Variants in AOPEP observed in about 807,000 individuals in gnomAD.
The protein encoded by AOPEP is aminopeptidase O.
AOPEP carries 77 observed loss-of-function variants against 98.1 expected under a neutral mutation model. That is an observed-to-expected ratio of 0.78 (90% CI 0.65 to 0.95). AOPEP has a LOEUF of 0.95. Among genes scored for constraint, AOPEP ranks in the 40% least tolerant of loss-of-function variants. The pLI is 0.00. For synonymous variants in AOPEP, 346 were observed against 365.3 expected, an observed-to-expected ratio of 0.95 and a Z score of 0.60; for missense variants, 1,024 against 1,024.7, an observed-to-expected ratio of 1.00 and a Z score of 0.01.
intron 2 of AOPEP, among the ~76,000 whole-genome samples, chr9:94,765,438 A>AT (rs1839341270): frequency 4.5e-5 from 6 of 134,148 alleles, no homozygotes; most frequent in East Asian, 2.2e-4. Flanking sequence ...CTTCTCTACA[A>AT]AAATAATAAT....
intron 9 of AOPEP, among the ~76,000 whole-genome samples, chr9:94,961,036 T>C (rs1023715047): frequency 5.4e-5 from 8 of 149,306 alleles, no homozygotes; most frequent in African/African-American, 2.0e-4. Flanking sequence ...AAAAGAATGC[T>C]TGCCTGTTTT....
intron 5 of AOPEP, among the ~76,000 whole-genome samples, chr9:94,872,360 G>T (rs1259361570): frequency 6.6e-6 from 1 of 152,158 alleles, no homozygotes; most frequent in Admixed American, 6.5e-5. Flanking sequence ...GCCAAGAAAG[G>T]TTGCCTTACA....
chr9:94,811,784 C>T (rs551195871), intron 5 of AOPEP, among the ~76,000 whole-genome samples: 23 of 152,230 alleles, frequency 1.5e-4, no homozygotes, highest in Non-Finnish European at 2.4e-4. Context: ...TAAGTGTTGT[C>T]TGGGGAGAAC....
chr9:94,928,372 A>T (rs1729920204), intron 6 of AOPEP, 53 bp from the exon 7 acceptor site: 10 of 1,331,184 alleles, frequency 7.5e-6, no homozygotes, highest in Non-Finnish European at 1.0e-5. Context: ...CACCAGGACC[A>T]CAACAGTGAC....
At chr9:95,106,745 A>G in the AOPEP span, among the ~76,000 whole-genome samples, 3 of 152,170 alleles carry the variant, frequency 2.0e-5, no homozygotes, top group East Asian at 5.8e-4. Context: ...GAGGAGGAGG[A>G]GAGCAGCACA....
At chr9:95,026,210 T>A (rs796137513) in intron 13 of AOPEP, among the ~76,000 whole-genome samples, 1 of 152,316 alleles carries the variant, frequency 6.6e-6, no homozygotes, top group African/African-American at 2.4e-5. Context: ...TTTAACAACT[T>A]TAAGGCGTAA....
At chr9:95,032,337 C>T (rs546219743) in intron 13 of AOPEP, among the ~76,000 whole-genome samples, 5 of 152,270 alleles carry the variant, frequency 3.3e-5, no homozygotes, top group Admixed American at 2.0e-4. Flanking sequence ...TGGCAGACCT[C>T]GCATGGCCCA....
Position 94,728,497 on chromosome 9 carries a change from G to A in AOPEP, c.-136+1746G>A, listed in dbSNP as rs78185787. ...CCGAGTAGATTTTTGACCTCACTGT[G>A]CCCGGTCGAGGACAGTTCTTCTAAG... is the stretch of plus-strand genomic sequence containing the variant. On this transcript the variant is annotated intron_variant, in intron 1 of 16. Transcript: ENST00000375315. Among the ~76,000 whole-genome samples, 3 of 152,174 alleles carry A rather than the reference G, an allele frequency of 2.0e-5. No individual in the cohort carries two copies. The East Asian group carries it at 5.8e-4, about 29-fold the overall frequency.
At chr9:94,947,015 C>A (rs1291474211) in intron 7 of AOPEP, among the ~76,000 whole-genome samples, 20 of 149,796 alleles carry the variant, frequency 1.3e-4, no homozygotes, top group Non-Finnish European at 2.2e-4. Context: ...CTCGCTCTGT[C>A]GCCCAGGCTG....
chr9:95,082,028 G>C (rs1353379416), intron 15 of AOPEP, among the ~76,000 whole-genome samples: 1 of 152,048 alleles, frequency 6.6e-6, no homozygotes, highest in East Asian at 1.9e-4. Flanking sequence ...GCGGGCTACG[G>C]TGCAGGGCTG....
intron 13 of AOPEP, among the ~76,000 whole-genome samples, chr9:95,027,823 T>C (rs545235419): frequency 4.6e-5 from 7 of 152,194 alleles, no homozygotes; most frequent in Non-Finnish European, 1.0e-4. Flanking sequence ...TTTCTCATTA[T>C]TTTTGCTTAT....
At chr9:95,147,408 C>T in the AOPEP span, among the ~76,000 whole-genome samples, 4 of 152,056 alleles carry the variant, frequency 2.6e-5, no homozygotes, top group East Asian at 1.9e-4. Flanking sequence ...CCCAGCTACT[C>T]GGGAGGCTGA....
chr9:95,027,850 A>G (rs2063965631), intron 13 of AOPEP, among the ~76,000 whole-genome samples: 1 of 152,186 alleles, frequency 6.6e-6, no homozygotes, highest in Admixed American at 6.5e-5. Flanking sequence ...ATTTGCAGGT[A>G]TTTTTAATTT....
chr9:94,727,574 AC>A (rs1248106124), intron 1 of AOPEP, among the ~76,000 whole-genome samples: 1 of 152,240 alleles, frequency 6.6e-6, no homozygotes, highest in Non-Finnish European at 1.5e-5. Context: ...ATGGGTTATT[AC>A]AAAACCAGAC....
At chr9:95,121,837 G>A in the AOPEP span, among the ~76,000 whole-genome samples, 1 of 151,916 alleles carries the variant, frequency 6.6e-6, no homozygotes, top group Non-Finnish European at 1.5e-5. Context: ...AAAGAGCAAA[G>A]GGATAATAAA....
At chr9:95,085,632 G>A (rs531846607) in intron 16 of AOPEP, 4 of 374,782 alleles carry the variant, frequency 1.1e-5, no homozygotes, top group African/African-American at 6.4e-5. Flanking sequence ...TGCGGAGCGC[G>A]ATCCTGGAGG....
At chr9:94,730,157 G>A (rs529786651) in intron 1 of AOPEP, among the ~76,000 whole-genome samples, 1 of 152,092 alleles carries the variant, frequency 6.6e-6, no homozygotes, top group South Asian at 2.1e-4. Flanking sequence ...GGTGGCGGGC[G>A]CCTATAGTCC....
chr9:94,827,580 A>C (rs761258795), intron 5 of AOPEP, among the ~76,000 whole-genome samples: 19 of 152,178 alleles, frequency 1.2e-4, no homozygotes, highest in Non-Finnish European at 2.1e-4. Context: ...GTGTACTAAG[A>C]TGACCCTTTT....
At chr9:94,739,729 A>G (rs561040173) in intron 1 of AOPEP, among the ~76,000 whole-genome samples, 2 of 152,112 alleles carry the variant, frequency 1.3e-5, no homozygotes, top group East Asian at 3.9e-4. Context: ...ATGTAACTGG[A>G]AGCCAGACCA....
Sources: allele counts gnomAD v4.1 joint callset (sites outside exome capture counted in the v4.1 genomes callset), GRCh38; gene constraint gnomAD v4.1.1; transcripts MANE v1.5; gene names NCBI Gene and HGNC (gene_info 2026-07-23, HGNC 2026-07-21).